Variants in TPRKB observed in about 807,000 individuals in gnomAD.
TPRKB encodes the protein EKC/KEOPS complex subunit TPRKB.
TPRKB carries 11 observed loss-of-function variants against 17.8 expected under a neutral mutation model. That is an observed-to-expected ratio of 0.62 (90% confidence interval 0.39 to 1.02). The LOEUF (loss-of-function observed/expected upper bound fraction) is 1.02, where lower values mean the gene tolerates loss of function less well. Ranked by LOEUF, TPRKB falls within the 50% of genes least tolerant of loss-of-function variation. TPRKB has a pLI of 0.00. For missense variants in TPRKB, 228 were observed against 198.0 expected, an observed-to-expected ratio of 1.15 and a Z score of -0.91; for synonymous variants, 71 against 69.5, an observed-to-expected ratio of 1.02 and a Z score of -0.11.
Position 73,732,204 on chromosome 2 carries a change from G to C in TPRKB, c.223C>G (p.Leu75Val). The C allele has an allele frequency of 6.2e-7, 1 of 1,613,924 alleles. No individual in the cohort carries two copies. The highest frequency in any genetic ancestry group is 8.5e-7 in the Non-Finnish European group (1 of 1,179,876). Residue 75 changes from leucine to valine, a missense_variant, in exon 3 of 5, where the codon CTA becomes GTA. Transcript: ENST00000272424. ...YKLGKMKTRTLSTEIIFNLSP... is the reference protein window; with the variant it reads ...YKLGKMKTRTVSTEIIFNLSP... ...AGGTTGAAAATAATTTCAGTAGATA[G>C]AGTTCTTGTCTTCATTTTTCCCAGT...
chr2:73,737,081 A>G (rs946316422), intron 1 of TPRKB, among the ~76,000 whole-genome samples: 25 of 152,176 alleles, frequency 1.6e-4, no homozygotes, highest in African/African-American at 6.0e-4. Context: ...GGGCCCAATC[A>G]CAACTCTGAA....
At chr2:73,730,416 A>G in intron 4 of TPRKB, 144 bp downstream of exon 4, 1 of 577,690 alleles carries the variant, frequency 1.7e-6, no homozygotes, top group East Asian at 3.4e-5. Flanking sequence ...AGTTCTTTGT[A>G]TCTGTAATTT....
chr2:73,735,358 G>A (rs1309847630), intron 1 of TPRKB, among the ~76,000 whole-genome samples: 1 of 151,900 alleles, frequency 6.6e-6, no homozygotes, highest in East Asian at 1.9e-4. Flanking sequence ...TAGGGGGAAG[G>A]GATAGCATTA....
At chr2:73,736,381 TTATG>T (rs144976491) in intron 1 of TPRKB, among the ~76,000 whole-genome samples, 155 of 152,350 alleles carry the variant, frequency 1.0e-3, no homozygotes, top group African/African-American at 3.6e-3. Flanking sequence ...AAATATTTTG[TTATG>T]TATGTTCTGA....
intron 3 of TPRKB, chr2:73,731,134 A>G (rs1284622183): frequency 6.4e-6 from 1 of 156,886 alleles, no homozygotes; most frequent in Non-Finnish European, 1.4e-5. Context: ...CCTTCTCCTC[A>G]TGGCTTGGCT....
At chr2:73,733,572 A>AC (rs1336707142) in intron 2 of TPRKB, among the ~76,000 whole-genome samples, 1 of 151,788 alleles carries the variant, frequency 6.6e-6, no homozygotes, top group East Asian at 1.9e-4. Context: ...CTTGTTAGGA[A>AC]CCCCCATTTT....
chr2:73,734,023 G>T (rs776000218), intron 2 of TPRKB, among the ~76,000 whole-genome samples: 63 of 151,780 alleles, frequency 4.2e-4, no homozygotes, highest in Non-Finnish European at 6.8e-4. Context: ...GGCCAGGCTG[G>T]TCTCAAACTC....
intron 2 of TPRKB, among the ~76,000 whole-genome samples, chr2:73,733,814 C>CTTTTTTTTT (rs755122123): frequency 8.8e-6 from 1 of 114,026 alleles, no homozygotes; most frequent in African/African-American, 3.9e-5. Flanking sequence ...CTCATTCATT[C>CTTTTTTTTT]TTTTTTTTTT....
intron 3 of TPRKB, chr2:73,730,956 A>T (rs1014908337): frequency 2.7e-6 from 1 of 371,658 alleles, no homozygotes; most frequent in Admixed American, 5.0e-5. Context: ...GTTCCTATGG[A>T]ATCAAGCCCA....
At chr2:73,736,195 C>G (rs1028477777) in intron 1 of TPRKB, among the ~76,000 whole-genome samples, 1 of 151,996 alleles carries the variant, frequency 6.6e-6, no homozygotes, top group Non-Finnish European at 1.5e-5. Flanking sequence ...GCACACAGTT[C>G]AATCATTAGT....
Position 73,734,652 on chromosome 2 carries a change from C to T in TPRKB, c.-22-61G>A, listed in dbSNP as rs564980983. On this transcript the variant is annotated intron_variant, in intron 1 of 4. Transcript: ENST00000272424. The stretch of plus-strand genomic sequence containing the variant: ...TAAAAGTTAACATCAGAACTCATTT[C>T]TTAATAAATATTCAAAAACTTTGAA... The T allele has an allele frequency of 7.7e-5, 107 of 1,383,968 alleles. No individual in the cohort carries two copies. In the African/African-American group the frequency reaches 1.5e-3, roughly 20 times the overall value. The allele number at this position is 1,383,968 out of a possible 1,614,324, so 85.7% of individuals were successfully genotyped here.
In TPRKB at chr2:73,732,202, T is replaced by TA. The variant is rs1671643258; in HGVS notation, c.224dup (p.Ser76IlefsTer3). 3 of 1,613,926 alleles carry TA rather than the reference T, an allele frequency of 1.9e-6. No individual in the cohort carries two copies. Among genetic ancestry groups the TA allele is most frequent in the East Asian group, 4.5e-5 (2 of 44,886 alleles). On this transcript the variant is annotated frameshift_variant, in exon 3 of 5. Transcript: ENST00000272424. LOFTEE classifies it high-confidence loss of function. The stretch of plus-strand genomic sequence containing the variant: ...AAAGGTTGAAAATAATTTCAGTAGA[T>TA]AGAGTTCTTGTCTTCATTTTTCCCA...
At chr2:73,736,586 A>G (rs1325700275) in intron 1 of TPRKB, among the ~76,000 whole-genome samples, 4 of 152,186 alleles carry the variant, frequency 2.6e-5, no homozygotes, top group South Asian at 2.1e-4. Context: ...CTCAAATCCT[A>G]TATCTAATCC....
chr2:73,731,929 G>A (rs1396302229), intron 3 of TPRKB: 3 of 397,244 alleles, frequency 7.6e-6, no homozygotes, highest in Non-Finnish European at 1.3e-5. Context: ...ACCCTATATG[G>A]TAAGAACAGA....
intron 4 of TPRKB, 52 bp downstream of exon 4, chr2:73,730,508 C>T: frequency 1.5e-6 from 2 of 1,297,152 alleles, no homozygotes; most frequent in Non-Finnish European, 2.1e-6. Flanking sequence ...CAAACGGCAT[C>T]AGCATTATTG....
chr2:73,734,362 G>A (rs1215185533), intron 2 of TPRKB, 67 bp downstream of exon 2: 3 of 1,521,070 alleles, frequency 2.0e-6, no homozygotes, highest in Non-Finnish European at 2.7e-6. Flanking sequence ...GCCTCCTAAA[G>A]TGCTGGCATT....
intron 4 of TPRKB, 75 bp downstream of exon 4, chr2:73,730,485 G>T: frequency 9.6e-7 from 1 of 1,044,130 alleles, no homozygotes; most frequent in Non-Finnish European, 1.4e-6. Context: ...AAGGAGCTCT[G>T]GTGATCAATA....
chr2:73,734,946 A>G (rs776175667), intron 1 of TPRKB, among the ~76,000 whole-genome samples: 31 of 152,362 alleles, frequency 2.0e-4, no homozygotes, highest in Non-Finnish European at 3.5e-4. Flanking sequence ...GTCTTACTCT[A>G]TCTTAGTCTT....
In TPRKB at chr2:73,729,890, G is replaced by A; in HGVS notation, c.*53C>T. The A allele has an allele frequency of 7.0e-7, 1 of 1,433,258 alleles. No individual in the cohort carries two copies. The highest frequency in any genetic ancestry group is 2.6e-5 in the East Asian group (1 of 38,600). 88.8% of individuals were successfully genotyped at this position (1,433,258 alleles called of 1,614,324 possible). A position where few individuals can be genotyped will look rare whatever the true frequency, so the allele number is the denominator to read the frequency against. ...ACAATTAGTTTTATAGTCAGGAAAG[G>A]AAAATCAATGTTTTCTTTAATGCTG... On this transcript the variant is annotated 3_prime_UTR_variant, in exon 5 of 5. Transcript: ENST00000272424.
Sources: gnomAD v4.1 joint callset for allele counts (sites outside exome capture counted in the v4.1 genomes callset) on GRCh38, gnomAD v4.1.1 for gene constraint, MANE v1.5 for transcripts, NCBI Gene and HGNC (gene_info 2026-07-23, HGNC 2026-07-21) for gene names.